The following FAM227B variants were observed in gnomAD, a reference collection of about 807,000 sequenced individuals.
The protein encoded by FAM227B is protein FAM227B.
In FAM227B, 88 loss-of-function variants were observed where a neutral mutation model predicts 73.8. The observed-to-expected ratio is 1.19, with a 90% CI of 1.00 to 1.42. The LOEUF (loss-of-function observed/expected upper bound fraction) is 1.42. FAM227B is among the 40% of genes most tolerant of loss of function. The pLI, the probability that FAM227B is intolerant of heterozygous loss-of-function variation, is 0.00. For synonymous variants in FAM227B, 210 were observed against 190.5 expected, an observed-to-expected ratio of 1.10 and a Z score of -0.84; for missense variants, 632 against 590.9, an observed-to-expected ratio of 1.07 and a Z score of -0.72.
chr15:49,522,801 C>T (rs893989589), intron 10 of FAM227B, among the ~76,000 whole-genome samples: 1 of 151,802 alleles, frequency 6.6e-6, no homozygotes, highest in Admixed American at 6.6e-5. Context: ...GTAAAGCAAC[C>T]AAACCTATGA....
intron 10 of FAM227B, among the ~76,000 whole-genome samples, chr15:49,530,036 T>G (rs995924164): frequency 2.6e-5 from 4 of 151,832 alleles, no homozygotes; most frequent in Non-Finnish European, 5.9e-5. Context: ...TGTGGCTATC[T>G]TTGAAACCCT....
At chr15:49,420,896 C>T (rs1012917941) in intron 11 of FAM227B, among the ~76,000 whole-genome samples, 6 of 151,908 alleles carry the variant, frequency 3.9e-5, no homozygotes, top group African/African-American at 1.5e-4. Context: ...TTAGTAGAGA[C>T]GGGGTTTCAC....
At chr15:49,443,501 T>C (rs566686040) in intron 11 of FAM227B, among the ~76,000 whole-genome samples, 9 of 151,692 alleles carry the variant, frequency 5.9e-5, no homozygotes, top group African/African-American at 2.2e-4. Context: ...TTTAAGCGAA[T>C]GATACAAAAA....
intron 5 of FAM227B, among the ~76,000 whole-genome samples, chr15:49,583,789 AT>A (rs2075973519): frequency 1.3e-5 from 2 of 152,264 alleles, no homozygotes; most frequent in African/African-American, 4.8e-5. Context: ...CTGGACACAT[AT>A]ACCCTCCCAA....
At position 49,417,610 on chromosome 15, in the gene FAM227B, C is replaced by G. The variant is rs550972370; in HGVS notation, c.1013-46211G>C. Among the ~76,000 whole-genome samples the G allele has an allele frequency of 2.0e-5, 3 of 152,246 alleles. No individual in the cohort carries two copies. In the South Asian group the frequency reaches 6.2e-4, roughly 32 times the overall value. ...CAATAAACGGTGCTGGGATAACTGG[C>G]TAGTCATATGAAGCAGACTGAAGCT... is the stretch of plus-strand genomic sequence containing the variant. On this transcript the variant is annotated intron_variant, in intron 11 of 15. Coordinates refer to ENST00000299338, the MANE Select transcript of FAM227B (RefSeq NM_152647.3).
intron 11 of FAM227B, among the ~76,000 whole-genome samples, chr15:49,440,444 C>T (rs769367793): frequency 6.6e-6 from 1 of 151,464 alleles, no homozygotes; most frequent in Non-Finnish European, 1.5e-5. Flanking sequence ...TTATAGTTGG[C>T]CATCTATAAT....
At chr15:49,383,493 CA>C (rs1281970633) in intron 11 of FAM227B, among the ~76,000 whole-genome samples, 5 of 152,000 alleles carry the variant, frequency 3.3e-5, no homozygotes, top group African/African-American at 1.2e-4. Context: ...ACTGGGAAAC[CA>C]AAACATTTGT....
At chr15:49,354,787 G>C (rs1415276310) in intron 13 of FAM227B, among the ~76,000 whole-genome samples, 2 of 151,982 alleles carry the variant, frequency 1.3e-5, no homozygotes, top group African/African-American at 2.4e-5. Flanking sequence ...TCTGGGGGCA[G>C]GGCACAGACA....
chr15:49,383,448 G>A (rs959964240), intron 11 of FAM227B, among the ~76,000 whole-genome samples: 1 of 151,958 alleles, frequency 6.6e-6, no homozygotes, highest in Non-Finnish European at 1.5e-5. Context: ...ACCCTTAAGA[G>A]ACTACAATAT....
At chr15:49,453,070 T>G (rs2052918191) in intron 11 of FAM227B, among the ~76,000 whole-genome samples, 1 of 152,098 alleles carries the variant, frequency 6.6e-6, no homozygotes, top group Non-Finnish European at 1.5e-5. Context: ...AAATGTAATT[T>G]TTATAAATAA....
Position 49,328,685 on chromosome 15 carries a change from T to G in FAM227B, c.1420-10A>C, listed in dbSNP as rs2151118516. 6.4e-7 allele frequency: 1 copy of G among 1,551,354 alleles called. No individual in the cohort carries two copies. The highest frequency in any genetic ancestry group is 1.2e-5 in the South Asian group (1 of 84,022). ...TTTCAGCTTCGGAACGCTATGAAAA[T>G]AATACATGATTAAAGTTTCACAGAT... On this transcript the variant is annotated splice_polypyrimidine_tract_variant and intron_variant, in intron 15 of 15. Transcript: ENST00000299338.
intron 13 of FAM227B, among the ~76,000 whole-genome samples, chr15:49,345,301 A>C (rs1198005718): frequency 1.3e-5 from 2 of 152,166 alleles, no homozygotes; most frequent in Non-Finnish European, 2.9e-5. Context: ...GTTCCTCATA[A>C]AGTCATTCTA....
chr15:49,549,318 T>G (rs1045062576), intron 9 of FAM227B, among the ~76,000 whole-genome samples: 2 of 95,438 alleles, frequency 2.1e-5, no homozygotes, highest in Non-Finnish European at 4.5e-5. Context: ...GATTTGCATA[T>G]GTATTTTATT....
intron 9 of FAM227B, among the ~76,000 whole-genome samples, chr15:49,548,954 CTTG>C (rs1184640917): frequency 6.6e-6 from 1 of 152,128 alleles, no homozygotes; most frequent in African/African-American, 2.4e-5. Context: ...AAAAAACAAA[CTTG>C]TTTTATTAAT....
chr15:49,333,722 C>T (rs2039219204), intron 14 of FAM227B, among the ~76,000 whole-genome samples: 1 of 152,156 alleles, frequency 6.6e-6, no homozygotes, highest in Non-Finnish European at 1.5e-5. Flanking sequence ...GGGGGCTTGT[C>T]TGAAGGGCTG....
intron 1 of FAM227B, among the ~76,000 whole-genome samples, chr15:49,618,442 G>T (rs1458670053): frequency 6.6e-6 from 1 of 152,196 alleles, no homozygotes; most frequent in Non-Finnish European, 1.5e-5. Context: ...TTTGAGAACA[G>T]ATAAATAATA....
At chr15:49,503,593 A>G (rs2058330125) in intron 11 of FAM227B, among the ~76,000 whole-genome samples, 1 of 152,108 alleles carries the variant, frequency 6.6e-6, no homozygotes, top group Non-Finnish European at 1.5e-5. Context: ...AAAACAAACA[A>G]CCCCATCAAA....
intron 10 of FAM227B, among the ~76,000 whole-genome samples, chr15:49,532,561 A>C (rs539976038): frequency 1.3e-5 from 2 of 151,978 alleles, no homozygotes; most frequent in Admixed American, 1.3e-4. Context: ...AGTCTAGAGA[A>C]AACGGGAATG....
At chr15:49,397,108 A>T (rs1240389084) in intron 11 of FAM227B, among the ~76,000 whole-genome samples, 1 of 152,186 alleles carries the variant, frequency 6.6e-6, no homozygotes, top group Non-Finnish European at 1.5e-5. Flanking sequence ...AAAAAAATTT[A>T]GAAGAATGTA....
Sources: allele counts gnomAD v4.1 joint callset (sites outside exome capture counted in the v4.1 genomes callset), GRCh38; gene constraint gnomAD v4.1.1; transcripts MANE v1.5; gene names NCBI Gene and HGNC (gene_info 2026-07-23, HGNC 2026-07-21).